Variants in GRID2IP observed in about 807,000 individuals in gnomAD.
The protein encoded by GRID2IP is Grid2 interacting protein.
A neutral mutation model predicts 114.3 loss-of-function variants in GRID2IP; 78 were observed. That is an observed-to-expected ratio of 0.68 (90% CI 0.57 to 0.82). The LOEUF is 0.82. Ranked by LOEUF, GRID2IP falls within the 40% of genes least tolerant of loss-of-function variation. GRID2IP has a pLI of 0.00. For synonymous variants in GRID2IP, 809 were observed against 724.0 expected (o/e 1.12, Z -1.89); for missense variants, 1,727 against 1,678.5 (o/e 1.03, Z -0.51).
At chr7:6,537,924 T>C (rs12539354) in intron 2 of GRID2IP, among the ~76,000 whole-genome samples, 46,555 of 152,030 alleles carry the variant, frequency 0.31, 7,247 homozygotes, top group Admixed American at 0.38. Context: ...CTGTGACTGC[T>C]ACCAATTTGC....
chr7:6,532,145 G>C lies in GRID2IP; in HGVS notation c.585-5376C>G, dbSNP rs775446130. On this transcript the variant is annotated intron_variant, in intron 2 of 21. Coordinates refer to ENST00000457091, the MANE Select transcript of GRID2IP (RefSeq NM_001145118.2). The surrounding 1 kb of genome is among the most constrained non-coding windows in gnomAD (Gnocchi z 4.4). ...AACAGCAGCAGGAGGGGACCCCAGC[G>C]TGCCTGCTTGCGTGTCATGTCTCAA... Among the ~76,000 whole-genome samples, 1 of 152,120 alleles carries C rather than the reference G, an allele frequency of 6.6e-6. No homozygotes were observed. Among genetic ancestry groups the C allele is most frequent in the Non-Finnish European group, 1.5e-5 (1 of 67,998 alleles).
At chr7:6,503,418 C>T (rs1396909552) in intron 16 of GRID2IP, 73 bp downstream of exon 16, 3 of 1,381,698 alleles carry the variant, frequency 2.2e-6, no homozygotes, top group East Asian at 5.3e-5. Flanking sequence ...CGCGGGACCC[C>T]AGCAGCCCTG....
At chr7:6,530,962 G>GC (rs1779609833) in intron 2 of GRID2IP, 1 of 544,540 alleles carries the variant, frequency 1.8e-6, no homozygotes, top group Non-Finnish European at 3.3e-6. Context: ...GGGCAGGGAA[G>GC]CCCCTCCACG....
In GRID2IP at chr7:6,521,550, G is replaced by A. The variant is rs1187484807; in HGVS notation, c.990-27C>T. 1 of 1,506,892 alleles carries A rather than the reference G, an allele frequency of 6.6e-7. No individual in the cohort carries two copies. Among genetic ancestry groups the A allele is most frequent in the Non-Finnish European group, 9.0e-7 (1 of 1,116,682 alleles). The allele number at this position is 1,506,892 out of a possible 1,614,324, so 93.3% of individuals were successfully genotyped here. A position where few individuals can be genotyped will look rare whatever the true frequency, so the allele number is the denominator to read the frequency against. On this transcript the variant is annotated intron_variant, in intron 5 of 21. Coordinates refer to ENST00000457091, the MANE Select transcript of GRID2IP (RefSeq NM_001145118.2). This position sits in a 1 kb window ranked among gnomAD's most constrained non-coding sequence, Gnocchi z 4.1. ...TGCCAAGCAGAGATGGCCCAGGAGGGCCTGACTGGGGTGAGCCCTGTCCAC... is the reference window on the plus strand; with the variant it reads ...TGCCAAGCAGAGATGGCCCAGGAGGACCTGACTGGGGTGAGCCCTGTCCAC...
chr7:6,525,388 A>G (rs1217523463), intron 4 of GRID2IP, among the ~76,000 whole-genome samples: 1 of 152,138 alleles, frequency 6.6e-6, no homozygotes, highest in Non-Finnish European at 1.5e-5. Flanking sequence ...TTGGGAGGCC[A>G]AGGCGGGAGG....
intron 1 of GRID2IP, among the ~76,000 whole-genome samples, chr7:6,545,235 C>T (rs1042319745): frequency 6.6e-6 from 1 of 152,064 alleles, no homozygotes; most frequent in Non-Finnish European, 1.5e-5. Context: ...GCCATGATCA[C>T]ACCACTGAGC....
At chr7:6,503,252 G>T in intron 16 of GRID2IP, 89 bp from the exon 17 acceptor site, 1 of 1,156,932 alleles carries the variant, frequency 8.6e-7, no homozygotes, top group Non-Finnish European at 1.2e-6. Context: ...GGGGGGATCT[G>T]CTGGCTGCTT....
Position 6,509,136 on chromosome 7 carries a change from G to T in GRID2IP, c.1949C>A (p.Pro650His), listed in dbSNP as rs1562514002. 7 of 1,474,354 alleles carry T rather than the reference G, an allele frequency of 4.7e-6. No homozygotes were observed. Among genetic ancestry groups the T allele is most frequent in the Non-Finnish European group, 6.3e-6 (7 of 1,112,572 alleles). The allele number at this position is 1,474,354 out of a possible 1,614,324, so 91.3% of individuals were successfully genotyped here. A position where few individuals can be genotyped will look rare whatever the true frequency, so the allele number is the denominator to read the frequency against. ...SPQPGPGPIC[P>H]DSPPSPDPTR... ...GGGGTCCGGGCTTGGGGGGCTGTCG[G>T]GGCAGATGGGCCCGGGGCCTGGCTG... is the stretch of plus-strand genomic sequence containing the variant. Residue 650 changes from proline (P) to histidine (H), a missense_variant, in exon 12 of 22, where the codon CCC (proline) becomes CAC (histidine). Pro to His is a moderately conservative substitution (Grantham distance 77). Coordinates refer to ENST00000457091, the MANE Select transcript of GRID2IP (RefSeq NM_001145118.2). This position sits in a 1 kb window ranked among gnomAD's most constrained non-coding sequence, Gnocchi z 4.9.
rs1786615340 is a variant in GRID2IP at position 6,507,122 on chromosome 7, G to T, written c.2544+863C>A. ...CTCTGCCCAGTGTGACTACATGTGA[G>T]AGTGAGCTATTGATCCCAAGAAGAT... On this transcript the variant is annotated intron_variant, in intron 13 of 21. Transcript: ENST00000457091. This position sits in a 1 kb window ranked among gnomAD's most constrained non-coding sequence, Gnocchi z 5.3. Among the ~76,000 whole-genome samples, 1 of 152,224 alleles carries T rather than the reference G, an allele frequency of 6.6e-6. No individual in the cohort carries two copies.
intron 2 of GRID2IP, among the ~76,000 whole-genome samples, chr7:6,533,727 C>A (rs1025942349): frequency 6.7e-6 from 1 of 150,000 alleles, no homozygotes; most frequent in African/African-American, 2.5e-5. Context: ...TCTAGGCTGG[C>A]CTTAAGCTCC....
chr7:6,529,860 T>A (rs1014389212), intron 2 of GRID2IP, among the ~76,000 whole-genome samples: 1 of 152,028 alleles, frequency 6.6e-6, no homozygotes, highest in East Asian at 1.9e-4. Context: ...TCAGTTCTGT[T>A]CTCTCTGCCA....
Position 6,514,405 on chromosome 7 carries a change from C to T in GRID2IP, c.1393G>A (p.Ala465Thr), listed in dbSNP as rs377023958. Residue 465 changes from alanine (A) to threonine (T), a missense_variant, in exon 8 of 22, where the codon GCA becomes ACA. Coordinates refer to ENST00000457091, the MANE Select transcript of GRID2IP (RefSeq NM_001145118.2). Reference protein sequence around the residue: ...EEQELCQEKIACFLGYTAMTA... With the variant: ...EEQELCQEKITCFLGYTAMTA... ...ATGGCCGTGTAGCCCAGGAAGCATG[C>T]GATTTTCTCCTGACAGAGCTCCTGC... 1.8e-4 allele frequency: 278 copies of T among 1,542,698 alleles called. No individual in the cohort carries two copies. The African/African-American group carries it at 2.5e-3, about 14-fold the overall frequency.
Position 6,551,103 on chromosome 7 carries a change from C to G in GRID2IP, c.334G>C (p.Ala112Pro), listed in dbSNP as rs772841869. 6.2e-5 allele frequency: 81 copies of G among 1,304,772 alleles called. No individual in the cohort carries two copies. In the South Asian group the frequency reaches 1.6e-3, roughly 26 times the overall value. The allele number at this position is 1,304,772 out of a possible 1,614,324, so 80.8% of individuals were successfully genotyped here. The change falls in exon 1 of 22, where the codon GCT (alanine) becomes CCT (proline). Residue 112 changes from alanine to proline, a missense_variant. Transcript: ENST00000457091. Reference sequence around the variant, plus strand: ...AGGCGAAGCAGCTCACGGCCCAGAGCTAGGCCGCGGCCGCACCGCGGGGCC... The same window carrying G: ...AGGCGAAGCAGCTCACGGCCCAGAGGTAGGCCGCGGCCGCACCGCGGGGCC... ...LRAPRCGRGLALGRELLRLAG... is the reference protein window; with the variant it reads ...LRAPRCGRGLPLGRELLRLAG...
chr7:6,504,352 G>A (rs1031639929), intron 15 of GRID2IP, among the ~76,000 whole-genome samples: 4 of 151,314 alleles, frequency 2.6e-5, no homozygotes, highest in Non-Finnish European at 4.4e-5. Context: ...AGACCGAATG[G>A]AGGGGACAAG....
chr7:6,526,784 G>T lies in GRID2IP; in HGVS notation c.585-15C>A. 1.3e-6 allele frequency: 2 copies of T among 1,498,058 alleles called. No individual in the cohort carries two copies. Among genetic ancestry groups the T allele is most frequent in the Admixed American group, 2.2e-5 (1 of 45,020 alleles). The allele number at this position is 1,498,058 out of a possible 1,614,324, so 92.8% of individuals were successfully genotyped here. On this transcript the variant is annotated splice_polypyrimidine_tract_variant and intron_variant, in intron 2 of 21. Coordinates refer to ENST00000457091, the MANE Select transcript of GRID2IP (RefSeq NM_001145118.2). The surrounding 1 kb of genome is among the most constrained non-coding windows in gnomAD (Gnocchi z 7.6). ...GGATGAAGATCCTGCCGGCGAGGAC[G>T]GCGGAGTCGGGGCGCGTTCCCGGAC... is the stretch of plus-strand genomic sequence containing the variant.
At chr7:6,512,225 TTTC>T (rs1218536317) in intron 8 of GRID2IP, among the ~76,000 whole-genome samples, 2 of 132,388 alleles carry the variant, frequency 1.5e-5, no homozygotes, top group Admixed American at 1.6e-4. Context: ...CTTTTTTTCT[TTTC>T]TTCTTTTTTT....
chr7:6,514,243 G>C, intron 8 of GRID2IP, 132 bp downstream of exon 8: 3 of 875,564 alleles, frequency 3.4e-6, no homozygotes, highest in East Asian at 2.9e-5. Context: ...ACAAGAGTGA[G>C]ACTCCATTTC....
intron 7 of GRID2IP, among the ~76,000 whole-genome samples, chr7:6,517,520 A>G (rs911890252): frequency 6.6e-6 from 1 of 152,214 alleles, no homozygotes; most frequent in Non-Finnish European, 1.5e-5. Context: ...ACTTAGACAC[A>G]TTCATATTAG....
Position 6,502,079 on chromosome 7 carries a change from G to A in GRID2IP, c.3190C>T (p.Leu1064=), listed in dbSNP as rs1786432157. 6.4e-7 allele frequency: 1 copy of A among 1,551,382 alleles called. No individual in the cohort carries two copies. ...TKTVDGKSTF[L]HILAKSLSQH... ...CTCAGCGATTTGGCAAGGATGTGCA[G>A]GAAGGTGGACTTCCCATCCACTGTC... is the stretch of plus-strand genomic sequence containing the variant. Residue 1064 remains leucine (L), a synonymous_variant, in exon 19 of 22, where the codon CTG becomes TTG. Transcript: ENST00000457091.
Sources: allele counts gnomAD v4.1 joint callset (sites outside exome capture counted in the v4.1 genomes callset), GRCh38; gene constraint gnomAD v4.1.1; non-coding constraint Gnocchi (gnomAD v3.1); transcripts MANE v1.5; gene names NCBI Gene and HGNC (gene_info 2026-07-23, HGNC 2026-07-21).